Variants in RAD51B observed in about 807,000 individuals in gnomAD.
RAD51B encodes the protein RAD51 paralog B, also known as DNA repair protein RAD51 homolog 2.
In RAD51B, 38 loss-of-function variants were observed where a neutral mutation model predicts 42.2. That is an observed-to-expected ratio of 0.90 (90% CI 0.70 to 1.18). The LOEUF is 1.18. RAD51B is among the 50% of genes most tolerant of loss of function. The pLI, the probability that RAD51B is intolerant of heterozygous loss-of-function variation, is 0.00. For synonymous variants in RAD51B, 154 were observed against 145.2 expected (o/e 1.06, Z -0.43); for missense variants, 373 against 400.7 (o/e 0.93, Z 0.59).
chr14:68,238,290 AGTTTT>A (rs1314774529), intron 7 of RAD51B, among the ~76,000 whole-genome samples: 6 of 151,960 alleles, frequency 3.9e-5, no homozygotes, highest in Non-Finnish European at 7.4e-5. Flanking sequence ...AGTTTAGTTT[AGTTTT>A]GTTTTGTTGT....
chr14:67,948,727 C>T (rs2074381486), intron 7 of RAD51B, among the ~76,000 whole-genome samples: 3 of 151,398 alleles, frequency 2.0e-5, no homozygotes, highest in African/African-American at 2.4e-5. Context: ...GTCAGGAGAT[C>T]GAGACCATCC....
intron 7 of RAD51B, among the ~76,000 whole-genome samples, chr14:67,951,546 T>C (rs2074448000): frequency 6.6e-6 from 1 of 152,230 alleles, no homozygotes; most frequent in Non-Finnish European, 1.5e-5. Flanking sequence ...GTTAAAAGTT[T>C]TTAAGTTACA....
At chr14:68,535,305 C>T (rs1887550745) in intron 10 of RAD51B, among the ~76,000 whole-genome samples, 1 of 152,138 alleles carries the variant, frequency 6.6e-6, no homozygotes, top group South Asian at 2.1e-4. Flanking sequence ...CTCTAATGTC[C>T]TATACTCTTG....
intron 10 of RAD51B, among the ~76,000 whole-genome samples, chr14:68,490,767 G>A (rs1884003529): frequency 2.0e-5 from 3 of 152,298 alleles, no homozygotes; most frequent in Middle Eastern, 6.8e-3. Context: ...GTTGAGAGGG[G>A]AAGGGTGGAG....
intron 10 of RAD51B, among the ~76,000 whole-genome samples, chr14:68,635,007 A>T (rs1892312844): frequency 6.6e-6 from 1 of 152,196 alleles, no homozygotes; most frequent in Non-Finnish European, 1.5e-5. Flanking sequence ...CCTTTCAAAA[A>T]TAAGACTCTG....
chr14:68,518,888 G>T (rs555097552), intron 10 of RAD51B, among the ~76,000 whole-genome samples: 1 of 152,170 alleles, frequency 6.6e-6, no homozygotes, highest in Admixed American at 6.5e-5. Context: ...AGGATTTAGG[G>T]AAAAAAAATT....
chr14:68,113,422 C>T (rs2077490311), intron 7 of RAD51B, among the ~76,000 whole-genome samples: 1 of 152,088 alleles, frequency 6.6e-6, no homozygotes. Flanking sequence ...TACAAGAAGG[C>T]TCTTCCTCAT....
intron 10 of RAD51B, among the ~76,000 whole-genome samples, chr14:68,637,578 T>C (rs531345098): frequency 1.3e-5 from 2 of 152,188 alleles, no homozygotes; most frequent in South Asian, 4.2e-4. Flanking sequence ...AGTGAGGGAA[T>C]GTGATTGCAG....
chr14:68,634,813 GC>G (rs1000581171), intron 10 of RAD51B, among the ~76,000 whole-genome samples: 1 of 152,192 alleles, frequency 6.6e-6, no homozygotes, highest in Non-Finnish European at 1.5e-5. Context: ...ATTTACACCA[GC>G]TTGGGGGGCT....
At chr14:68,226,387 T>A (rs1474921393) in intron 7 of RAD51B, among the ~76,000 whole-genome samples, 1 of 152,226 alleles carries the variant, frequency 6.6e-6, no homozygotes, top group Non-Finnish European at 1.5e-5. Flanking sequence ...TCATCTGATA[T>A]AGTTTGATTG....
intron 7 of RAD51B, among the ~76,000 whole-genome samples, chr14:68,145,502 A>G (rs1293832090): frequency 1.3e-5 from 2 of 152,216 alleles, no homozygotes; most frequent in Non-Finnish European, 2.9e-5. Flanking sequence ...AGTACCTGTT[A>G]CACATATTAT....
intron 8 of RAD51B, among the ~76,000 whole-genome samples, chr14:68,331,770 T>A (rs1369412605): frequency 6.6e-6 from 1 of 152,190 alleles, no homozygotes; most frequent in African/African-American, 2.4e-5. Flanking sequence ...TTGTCTGACT[T>A]CACAATCAAT....
chr14:68,586,151 G>C (rs1412041161), intron 10 of RAD51B, among the ~76,000 whole-genome samples: 1 of 152,122 alleles, frequency 6.6e-6, no homozygotes, highest in Non-Finnish European at 1.5e-5. Flanking sequence ...TCCGAGGCTG[G>C]CACGGAGAGG....
intron 7 of RAD51B, among the ~76,000 whole-genome samples, chr14:68,161,373 G>GA (rs2078636098): frequency 6.6e-6 from 1 of 152,200 alleles, no homozygotes; most frequent in African/African-American, 2.4e-5. Flanking sequence ...GAAAGGGAAT[G>GA]AATCTTTCCT....
chr14:68,392,396 A>G (rs952589074), intron 8 of RAD51B, among the ~76,000 whole-genome samples: 5 of 152,044 alleles, frequency 3.3e-5, no homozygotes, highest in Admixed American at 2.0e-4. Flanking sequence ...TTGTTTGCCA[A>G]TTCTTCCTTT....
rs930369225 is a variant in RAD51B at position 68,250,444 on chromosome 14, A to T, written c.757-41440A>T. The stretch of plus-strand genomic sequence containing the variant: ...TAATTTTCTTACTATAATGCCTGAG[A>T]TATCAAGCTATACAGTTTACTTTTA... On this transcript the variant is annotated intron_variant, in intron 7 of 10. Transcript: ENST00000471583. 4.6e-5 allele frequency among the ~76,000 whole-genome samples: 7 copies of T among 152,362 alleles called. No individual in the cohort carries two copies. In the South Asian group the frequency reaches 1.4e-3, roughly 32 times the overall value.
intron 7 of RAD51B, chr14:68,236,227 A>G (rs977974262): frequency 6.6e-6 from 1 of 152,234 alleles, no homozygotes; most frequent in African/African-American, 2.4e-5. Context: ...TTAAAAATTA[A>G]TTAATTAAAC....
intron 9 of RAD51B, among the ~76,000 whole-genome samples, chr14:68,429,429 T>G (rs911494148): frequency 2.0e-5 from 3 of 152,234 alleles, no homozygotes; most frequent in African/African-American, 7.2e-5. Context: ...GTTTCCTGAC[T>G]TTTTAATGAT....
downstream of RAD51B, among the ~76,000 whole-genome samples, chr14:68,600,386 T>C (rs1295812088): frequency 6.6e-6 from 1 of 152,204 alleles, no homozygotes; most frequent in Non-Finnish European, 1.5e-5. Flanking sequence ...GAGTTTCCCA[T>C]GTCCACCCAT....
Sources: allele counts gnomAD v4.1 joint callset (sites outside exome capture counted in the v4.1 genomes callset), GRCh38; gene constraint gnomAD v4.1.1; transcripts MANE v1.5; gene names NCBI Gene and HGNC (gene_info 2026-07-23, HGNC 2026-07-21).